Variants in AGMO observed in about 807,000 individuals in gnomAD.
AGMO encodes glyceryl-ether monooxygenase.
A neutral mutation model predicts 60.2 loss-of-function variants in AGMO; 75 were observed. The observed-to-expected ratio is 1.25, with a 90% CI of 1.03 to 1.51. The LOEUF is 1.51. AGMO is among the 40% of genes most tolerant of loss of function. AGMO has a pLI of 0.00. For synonymous variants in AGMO, 261 were observed against 177.1 expected (o/e 1.47, Z -3.76); for missense variants, 763 against 525.5 (o/e 1.45, Z -4.42).
At chr7:15,195,132 C>G in the AGMO span, among the ~76,000 whole-genome samples, 1 of 152,056 alleles carries the variant, frequency 6.6e-6, no homozygotes. Context: ...CTGGAAGAAG[C>G]CAGAAGTGTA....
At chr7:15,141,963 C>T in the AGMO span, among the ~76,000 whole-genome samples, 1 of 152,058 alleles carries the variant, frequency 6.6e-6, no homozygotes, top group East Asian at 1.9e-4. Flanking sequence ...TCTCTTCCTC[C>T]CAAAAGATGG....
At chr7:15,282,249 T>C (rs933311095) in intron 12 of AGMO, among the ~76,000 whole-genome samples, 5 of 151,828 alleles carry the variant, frequency 3.3e-5, no homozygotes, top group East Asian at 3.9e-4. Context: ...CAATACCAGA[T>C]AAAGAATTCA....
At chr7:15,432,379 T>TATATATATCTATATATACATAC (rs373845365) in intron 3 of AGMO, among the ~76,000 whole-genome samples, 2 of 136,198 alleles carry the variant, frequency 1.5e-5, no homozygotes, top group African/African-American at 5.6e-5. Flanking sequence ...CATATATATA[T>TATATATATCTATATATACATAC]ACACTATCTG....
rs145298854 is a variant in AGMO, at chr7:15,462,620, A to G, written c.410-31512T>C. On this transcript the variant is annotated intron_variant, in intron 3 of 12. Coordinates refer to ENST00000342526, the MANE Select transcript of AGMO (RefSeq NM_001004320.2). ...AGCTTTAGATCTATATCTGCCCTAA[A>G]TCTATCTACATTTCTGGTTCACTCA... is the stretch of plus-strand genomic sequence containing the variant. Among the ~76,000 whole-genome samples, 196 of 152,270 alleles carry G rather than the reference A, an allele frequency of 1.3e-3. 1 individual carries two copies. Among genetic ancestry groups the G allele is most frequent in the Admixed American group, 2.0e-3 (31 of 15,284 alleles).
the AGMO span, among the ~76,000 whole-genome samples, chr7:15,139,323 G>GA: frequency 6.6e-6 from 1 of 152,124 alleles, no homozygotes; most frequent in African/African-American, 2.4e-5. Context: ...GTATTCTCCT[G>GA]AAAATGGGGC....
At chr7:15,288,166 G>A (rs1357904694) in intron 12 of AGMO, among the ~76,000 whole-genome samples, 1 of 151,850 alleles carries the variant, frequency 6.6e-6, no homozygotes, top group Admixed American at 6.6e-5. Context: ...TAGGACCACA[G>A]GCGCCCAGCA....
At chr7:15,533,696 A>C (rs1054349956) in intron 3 of AGMO, among the ~76,000 whole-genome samples, 6 of 152,172 alleles carry the variant, frequency 3.9e-5, no homozygotes, top group African/African-American at 1.4e-4. Context: ...ATTTCTAAAG[A>C]AGAAAAGATC....
At chr7:15,485,155 A>AAG (rs1554278092) in intron 3 of AGMO, among the ~76,000 whole-genome samples, 3 of 150,744 alleles carry the variant, frequency 2.0e-5, no homozygotes, top group African/African-American at 7.3e-5. Flanking sequence ...AAAAAAAAAA[A>AAG]AAAAAGAAAA....
intron 12 of AGMO, among the ~76,000 whole-genome samples, chr7:15,317,464 G>C (rs1021824589): frequency 1.3e-5 from 2 of 152,012 alleles, no homozygotes; most frequent in African/African-American, 4.8e-5. Context: ...AATCAGGAGT[G>C]GGGATAGGCA....
At chr7:15,463,179 A>G (rs1296121879) in intron 3 of AGMO, among the ~76,000 whole-genome samples, 1 of 152,214 alleles carries the variant, frequency 6.6e-6, no homozygotes, top group Non-Finnish European at 1.5e-5. Context: ...TAAAATATAC[A>G]GAAAGTATTT....
intron 3 of AGMO, among the ~76,000 whole-genome samples, chr7:15,461,718 A>G (rs1782147647): frequency 6.6e-6 from 1 of 152,262 alleles, no homozygotes; most frequent in East Asian, 1.9e-4. Context: ...TCAGGATTTT[A>G]GAATTCGTTT....
rs1583675589 is a variant in AGMO, at chr7:15,548,226, C to T, written c.258-3303G>A. ...CTACAAAGATGGGGAAAAAACAGAA[C>T]AGAAAAACTGGAAACTCTAAAACGC... On this transcript the variant is annotated intron_variant, in intron 2 of 12. Coordinates refer to ENST00000342526, the MANE Select transcript of AGMO (RefSeq NM_001004320.2). 3.3e-5 allele frequency among the ~76,000 whole-genome samples: 5 copies of T among 152,254 alleles called. No homozygotes were observed. In the South Asian group the frequency reaches 1.0e-3, roughly 32 times the overall value.
At chr7:15,276,938 T>C (rs1018073753) in intron 12 of AGMO, among the ~76,000 whole-genome samples, 1 of 151,928 alleles carries the variant, frequency 6.6e-6, no homozygotes, top group Non-Finnish European at 1.5e-5. Flanking sequence ...ATTTCCTGGA[T>C]TGCCTTTCTG....
rs199673987 is a variant in AGMO, at chr7:15,289,310, ATTAT to A, written c.1263+76200_1263+76203del. Among the ~76,000 whole-genome samples, 1,071 of 150,674 alleles carry A rather than the reference ATTAT, an allele frequency of 7.1e-3. 18 individuals carry two copies. Among genetic ancestry groups the A allele is most frequent in the African/African-American group, 0.025 (1,026 of 41,486 alleles). ...GTTTCTTTATAGAATTAAATGATAA[ATTAT>A]TTATTATCAAATTTATGAATGTATG... On this transcript the variant is annotated intron_variant, in intron 12 of 12. Transcript: ENST00000342526.
intron 12 of AGMO, among the ~76,000 whole-genome samples, chr7:15,274,539 GTGT>G (rs1783721600): frequency 1.3e-5 from 2 of 151,698 alleles, no homozygotes; most frequent in African/African-American, 4.8e-5. Context: ...TTTTTATTTT[GTGT>G]TGTTGTGTCC....
chr7:15,373,466 A>G (rs1783310604), intron 10 of AGMO, among the ~76,000 whole-genome samples: 1 of 152,132 alleles, frequency 6.6e-6, no homozygotes, highest in African/African-American at 2.4e-5. Flanking sequence ...TACATGTTTG[A>G]CGCCATGTTA....
intron 3 of AGMO, among the ~76,000 whole-genome samples, chr7:15,495,005 T>G (rs181916728): frequency 1.3e-5 from 2 of 152,240 alleles, no homozygotes; most frequent in South Asian, 4.1e-4. Context: ...CTGATGAATA[T>G]AGCCTTGCAT....
chr7:15,282,792 G>A (rs1207666739), intron 12 of AGMO, among the ~76,000 whole-genome samples: 1 of 152,070 alleles, frequency 6.6e-6, no homozygotes, highest in Admixed American at 6.6e-5. Context: ...ATACTCATTG[G>A]GATTTCTAAA....
At chr7:15,353,906 T>TA (rs1782351672) in intron 12 of AGMO, among the ~76,000 whole-genome samples, 1 of 152,162 alleles carries the variant, frequency 6.6e-6, no homozygotes, top group African/African-American at 2.4e-5. Context: ...CATAGAAAAC[T>TA]ATCATGTATT....
Sources: allele counts gnomAD v4.1 joint callset (sites outside exome capture counted in the v4.1 genomes callset), GRCh38; gene constraint gnomAD v4.1.1; transcripts MANE v1.5; gene names NCBI Gene and HGNC (gene_info 2026-07-23, HGNC 2026-07-21).